MAP4K5: variants seen among roughly 807,000 people sequenced by gnomAD.
MAP4K5 encodes mitogen-activated protein kinase kinase kinase kinase 5.
In MAP4K5, 82 loss-of-function variants were observed where a neutral mutation model predicts 135.6. The ratio of observed to expected loss-of-function variants is 0.60; its 90% CI spans 0.51 to 0.73. MAP4K5 has a LOEUF of 0.73. Ranked by LOEUF, MAP4K5 falls within the 30% of genes least tolerant of loss-of-function variation. MAP4K5 has a pLI of 0.00. For synonymous variants in MAP4K5, 347 were observed against 335.0 expected (o/e 1.04, Z -0.39); for missense variants, 907 against 1,010.9 (o/e 0.90, Z 1.39).
Position 50,504,368 on chromosome 14 carries a change from C to A in MAP4K5, c.166+432G>T, listed in dbSNP as rs369452473. ...TGTTTTGAAACAAGCAGTCTTCTGA[C>A]ACACAGAAGTGTTAATAAAATAAGC... On this transcript the variant is annotated intron_variant, in intron 3 of 32. Coordinates refer to ENST00000682126, the MANE Select transcript of MAP4K5 (RefSeq NM_006575.6). Among the ~76,000 whole-genome samples the A allele has an allele frequency of 1.1e-3, 171 of 152,148 alleles. 2 individuals are homozygous for A. In the South Asian group the frequency reaches 0.033, roughly 29 times the overall value.
chr14:50,433,619 T>A (rs1288780216), intron 28 of MAP4K5, among the ~76,000 whole-genome samples: 2 of 152,180 alleles, frequency 1.3e-5, no homozygotes, highest in Non-Finnish European at 2.9e-5. Context: ...CAAAGGTTAT[T>A]TAATAAGAAG....
chr14:50,523,185 C>A (rs1308705046), intron 2 of MAP4K5, among the ~76,000 whole-genome samples: 1 of 152,158 alleles, frequency 6.6e-6, no homozygotes, highest in South Asian at 2.1e-4. Context: ...GTGGCCCATG[C>A]CTGTAATCCC....
chr14:50,441,979 C>T (rs59765562), intron 21 of MAP4K5, among the ~76,000 whole-genome samples: 6,368 of 151,968 alleles, frequency 0.042, 145 homozygotes, highest in East Asian at 0.065. Flanking sequence ...AAGTAAATAT[C>T]GGGAGTGATT....
At chr14:50,539,585 A>G (rs2038535834) in intron 2 of MAP4K5, among the ~76,000 whole-genome samples, 1 of 152,244 alleles carries the variant, frequency 6.6e-6, no homozygotes, top group Admixed American at 6.5e-5. Context: ...GAGATGGCCT[A>G]GAACCTATGA....
chr14:50,483,377 T>C (rs972296890), intron 5 of MAP4K5, among the ~76,000 whole-genome samples: 6 of 152,178 alleles, frequency 3.9e-5, no homozygotes, highest in Non-Finnish European at 5.9e-5. Flanking sequence ...TGGGGTGGTA[T>C]CTGCTGACAG....
In MAP4K5 at chr14:50,432,568, A is replaced by C. The variant is rs548809832; in HGVS notation, c.2164+1826T>G. 5.1e-3 allele frequency among the ~76,000 whole-genome samples: 770 copies of C among 151,610 alleles called. 13 individuals carry two copies. The highest frequency in any genetic ancestry group is 0.018 in the African/African-American group (721 of 41,184). ...ACAACAAAACTCTCAAAAAAAAAAA[A>C]AAAAAAAACAAAAAAACGCAAACTC... On this transcript the variant is annotated intron_variant, in intron 28 of 32. Coordinates refer to ENST00000682126, the MANE Select transcript of MAP4K5 (RefSeq NM_006575.6).
chr14:50,434,922 G>A (rs1566637847), intron 27 of MAP4K5, 40 bp downstream of exon 27: 1 of 1,339,660 alleles, frequency 7.5e-7, no homozygotes, highest in African/African-American at 1.4e-5. Flanking sequence ...ATACACTAGT[G>A]TTTTCTAAAG....
At chr14:50,508,695 C>T (rs2037865015) in intron 2 of MAP4K5, among the ~76,000 whole-genome samples, 1 of 151,426 alleles carries the variant, frequency 6.6e-6, no homozygotes, top group South Asian at 2.1e-4. Flanking sequence ...TGCACATGTA[C>T]CCTAGAACTT....
chr14:50,494,182 T>A (rs1010546905), intron 3 of MAP4K5, among the ~76,000 whole-genome samples: 7 of 151,890 alleles, frequency 4.6e-5, no homozygotes, highest in East Asian at 1.9e-4. Flanking sequence ...TTATTTATTT[T>A]TTTTGAGACA....
At position 50,504,795 on chromosome 14, in the gene MAP4K5, C is replaced by T; in HGVS notation, c.166+5G>A. ...AAAAATTGTCTTGAGGGTTTTAACA[C>T]ATACCAGGCTCCAATTTAATGATTT... is the stretch of plus-strand genomic sequence containing the variant. On this transcript the variant is annotated splice_donor_5th_base_variant and intron_variant, in intron 3 of 32. Transcript: ENST00000682126. The T allele has an allele frequency of 6.4e-7, 1 of 1,550,980 alleles. No individual in the cohort carries two copies. The highest frequency in any genetic ancestry group is 8.7e-7 in the Non-Finnish European group (1 of 1,145,842).
upstream of MAP4K5, chr14:50,533,032 G>C (rs1015426966): frequency 4.6e-5 from 7 of 152,638 alleles, no homozygotes; most frequent in Admixed American, 3.3e-4. Context: ...ACTAAGTCCC[G>C]GCACACCCTA....
chr14:50,438,911 AAAGAC>A (rs1474173405), intron 23 of MAP4K5, among the ~76,000 whole-genome samples: 2 of 152,140 alleles, frequency 1.3e-5, no homozygotes, highest in Non-Finnish European at 2.9e-5. Flanking sequence ...GCTTATTTCC[AAAGAC>A]AAGTATGAGT....
chr14:50,492,400 T>TGGGC (rs992764331), intron 3 of MAP4K5, among the ~76,000 whole-genome samples: 4 of 151,952 alleles, frequency 2.6e-5, no homozygotes, highest in African/African-American at 9.7e-5. Flanking sequence ...AAGACCAGCC[T>TGGGC]GGGCAACATA....
chr14:50,514,606 A>G (rs2037995150), intron 2 of MAP4K5, among the ~76,000 whole-genome samples: 1 of 152,230 alleles, frequency 6.6e-6, no homozygotes, highest in South Asian at 2.1e-4. Context: ...TTCTGAGCCC[A>G]GTCAAACTAG....
Position 50,482,351 on chromosome 14 carries a change from A to G in MAP4K5, c.378+10T>C, listed in dbSNP as rs1037999873. On this transcript the variant is annotated intron_variant, in intron 6 of 32. Transcript: ENST00000682126. Reference sequence around the variant, plus strand: ...ATTGCCTTTCTAACTATATTAAGAAAATATAGTACCTGTAAGGTTTCTCTG... The same window carrying G: ...ATTGCCTTTCTAACTATATTAAGAAGATATAGTACCTGTAAGGTTTCTCTG... The G allele has an allele frequency of 1.4e-6, 2 of 1,462,324 alleles. No individual in the cohort carries two copies. Among genetic ancestry groups the G allele is most frequent in the Admixed American group, 3.0e-5 (1 of 33,030 alleles). 90.6% of individuals were successfully genotyped at this position (1,462,324 alleles called of 1,614,324 possible).
chr14:50,520,018 C>T (rs566405770), intron 2 of MAP4K5, among the ~76,000 whole-genome samples: 4 of 152,242 alleles, frequency 2.6e-5, no homozygotes, highest in Admixed American at 6.5e-5. Context: ...CAAGAAGGCA[C>T]GGGGCACCAA....
At chr14:50,432,656 C>T (rs1431002963) in intron 28 of MAP4K5, among the ~76,000 whole-genome samples, 5 of 151,336 alleles carry the variant, frequency 3.3e-5, no homozygotes, top group African/African-American at 1.2e-4. Flanking sequence ...AACAATATAA[C>T]CTTCTAATAT....
intron 1 of MAP4K5, chr14:50,560,439 C>T (rs1375003900): frequency 8.5e-7 from 1 of 1,171,676 alleles, no homozygotes; most frequent in African/African-American, 1.5e-5. Context: ...CCGAGCCGCT[C>T]CCTGTTTGGG....
At chr14:50,478,020 A>G (rs937905144) in intron 6 of MAP4K5, among the ~76,000 whole-genome samples, 5 of 152,142 alleles carry the variant, frequency 3.3e-5, no homozygotes, top group African/African-American at 1.2e-4. Context: ...ATAGGTATAT[A>G]TAGGATTGGC....
Sources: allele counts gnomAD v4.1 joint callset (sites outside exome capture counted in the v4.1 genomes callset), GRCh38; gene constraint gnomAD v4.1.1; transcripts MANE v1.5; gene names NCBI Gene and HGNC (gene_info 2026-07-23, HGNC 2026-07-21).